MYO3B: variants seen among roughly 807,000 people sequenced by gnomAD.
MYO3B encodes the protein myosin-IIIb.
In MYO3B, 156 loss-of-function variants were observed where a neutral mutation model predicts 174.6. That is an observed-to-expected ratio of 0.89 (90% CI 0.78 to 1.02). The LOEUF (loss-of-function observed/expected upper bound fraction) is 1.02, where lower values mean the gene tolerates loss of function less well. Among genes scored for constraint, MYO3B ranks in the 50% least tolerant of loss-of-function variants. The pLI is 0.00. For missense variants in MYO3B, 1,632 were observed against 1,639.4 expected (o/e 1.00, Z 0.08); for synonymous variants, 563 against 569.1 (o/e 0.99, Z 0.15).
chr2:170,256,512 C>T (rs1391868071), intron 7 of MYO3B, among the ~76,000 whole-genome samples: 7 of 152,136 alleles, frequency 4.6e-5, no homozygotes, highest in South Asian at 2.1e-4. Context: ...AAATTCTAAC[C>T]AAGAATTTCA....
chr2:170,383,645 GGGCAATA>G, intron 11 of MYO3B, 58 bp from the exon 12 acceptor site: 4 of 1,233,696 alleles, frequency 3.2e-6, no homozygotes, highest in Non-Finnish European at 3.6e-6. Flanking sequence ...TTGGTTTCAT[GGGCAATA>G]GGTAGTGGAG....
chr2:170,214,371 T>A lies in MYO3B; in HGVS notation c.322-8T>A, dbSNP rs1447344502. Reference sequence around the variant, plus strand: ...TGCTCTCCCTGTGTCTGGCACCTCTTCTTGCAGCTGTGTAATGGGGGCTCA... The same window carrying A: ...TGCTCTCCCTGTGTCTGGCACCTCTACTTGCAGCTGTGTAATGGGGGCTCA... On this transcript the variant is annotated splice_region_variant and splice_polypyrimidine_tract_variant and intron_variant, in intron 3 of 34. Coordinates refer to ENST00000408978, the MANE Select transcript of MYO3B (RefSeq NM_138995.5). 1 of 1,613,226 alleles carries A rather than the reference T, an allele frequency of 6.2e-7. No homozygotes were observed. The highest frequency in any genetic ancestry group is 8.5e-7 in the Non-Finnish European group (1 of 1,179,258).
chr2:170,636,446 G>C (rs1697490938), intron 32 of MYO3B, among the ~76,000 whole-genome samples: 2 of 150,028 alleles, frequency 1.3e-5, no homozygotes, highest in Admixed American at 1.3e-4. Flanking sequence ...TTTCCTTCCA[G>C]ATGGTGCCTG....
chr2:170,362,341 A>G (rs1422919572), intron 8 of MYO3B, among the ~76,000 whole-genome samples: 1 of 151,948 alleles, frequency 6.6e-6, no homozygotes, highest in Non-Finnish European at 1.5e-5. Flanking sequence ...TTTCCGTCCT[A>G]CCTTCACTTG....
At chr2:170,202,203 CT>C (rs2092669584) in intron 3 of MYO3B, among the ~76,000 whole-genome samples, 1 of 152,206 alleles carries the variant, frequency 6.6e-6, no homozygotes, top group Non-Finnish European at 1.5e-5. Flanking sequence ...CTGTTTCTAG[CT>C]TTTTCAGGGT....
intron 32 of MYO3B, among the ~76,000 whole-genome samples, chr2:170,626,193 C>A (rs1043458861): frequency 6.6e-6 from 1 of 151,088 alleles, no homozygotes; most frequent in African/African-American, 2.5e-5. Context: ...GAGTCTAAGT[C>A]TCTTTGTAGG....
At chr2:170,523,418 C>T (rs1688801765) in intron 30 of MYO3B, among the ~76,000 whole-genome samples, 1 of 127,374 alleles carries the variant, frequency 7.9e-6, no homozygotes, top group South Asian at 2.7e-4. Context: ...TTCTGTGAAT[C>T]AACAAGGGCT....
intron 28 of MYO3B, among the ~76,000 whole-genome samples, chr2:170,507,311 G>A (rs975674761): frequency 1.3e-5 from 2 of 152,134 alleles, no homozygotes; most frequent in Non-Finnish European, 2.9e-5. Flanking sequence ...TTCAGTCCTA[G>A]GCGAGGGGTC....
chr2:170,356,250 C>T (rs970439487), intron 8 of MYO3B, among the ~76,000 whole-genome samples: 4 of 151,854 alleles, frequency 2.6e-5, no homozygotes, highest in East Asian at 1.9e-4. Flanking sequence ...CATGAGCCAC[C>T]GCGCCTGGCC....
chr2:170,235,078 C>T (rs956676830), intron 6 of MYO3B, among the ~76,000 whole-genome samples: 11 of 152,188 alleles, frequency 7.2e-5, no homozygotes, highest in African/African-American at 2.7e-4. Context: ...CTCTATTACT[C>T]TGGTCTTCCT....
chr2:170,285,785 T>C (rs2093551646), intron 7 of MYO3B, among the ~76,000 whole-genome samples: 1 of 149,872 alleles, frequency 6.7e-6, no homozygotes, highest in South Asian at 2.1e-4. Context: ...TCATTATTTA[T>C]GTGAAAGTCA....
intron 32 of MYO3B, among the ~76,000 whole-genome samples, chr2:170,636,021 GT>G (rs1697438491): frequency 6.6e-6 from 1 of 152,054 alleles, no homozygotes; most frequent in African/African-American, 2.4e-5. Context: ...AAAGCTGTCT[GT>G]TTTTTTCTTT....
intron 11 of MYO3B, 133 bp downstream of exon 11, chr2:170,383,322 T>C (rs2094349592): frequency 1.6e-6 from 1 of 637,404 alleles, no homozygotes; most frequent in Non-Finnish European, 2.8e-6. Context: ...CAGATAGTAA[T>C]GTAATACAAA....
At chr2:170,293,876 A>G (rs780896627) in intron 7 of MYO3B, among the ~76,000 whole-genome samples, 9 of 152,072 alleles carry the variant, frequency 5.9e-5, no homozygotes, top group African/African-American at 1.7e-4. Context: ...CCATGTCAAT[A>G]TCCACTTCTT....
intron 1 of MYO3B, among the ~76,000 whole-genome samples, chr2:170,180,460 T>G (rs72882099): frequency 4.6e-5 from 7 of 152,100 alleles, no homozygotes; most frequent in Non-Finnish European, 1.5e-5. Context: ...CCTTTCAGTT[T>G]CTTATTTCTC....
chr2:170,654,696 C>T lies in MYO3B; in HGVS notation c.*1575C>T, dbSNP rs570132470. ...AAAGAGATAGTATGCAAGAAGACAC[C>T]TAAATTTTGAGAGAAATAACCTTGA... is the stretch of plus-strand genomic sequence containing the variant. On this transcript the variant is annotated 3_prime_UTR_variant, in exon 35 of 35. Coordinates refer to ENST00000408978, the MANE Select transcript of MYO3B (RefSeq NM_138995.5). The T allele has an allele frequency of 6.8e-6, 1 of 146,466 alleles. No homozygotes were observed. The highest frequency in any genetic ancestry group is 2.2e-4 in the South Asian group (1 of 4,496). The allele number at this position is 146,466 out of a possible 1,614,324, so 9.1% of individuals were successfully genotyped here.
At chr2:170,385,144 C>T (rs2094364751) in intron 12 of MYO3B, among the ~76,000 whole-genome samples, 1 of 152,160 alleles carries the variant, frequency 6.6e-6, no homozygotes, top group African/African-American at 2.4e-5. Flanking sequence ...GCACACAGAG[C>T]TTCCATGCCT....
At chr2:170,355,214 T>G (rs759140131) in intron 8 of MYO3B, among the ~76,000 whole-genome samples, 1 of 152,144 alleles carries the variant, frequency 6.6e-6, no homozygotes, top group Non-Finnish European at 1.5e-5. Flanking sequence ...AACTGCAAAA[T>G]CCTACCTTGC....
chr2:170,521,956 G>C (rs573063770), intron 30 of MYO3B, among the ~76,000 whole-genome samples: 6 of 152,250 alleles, frequency 3.9e-5, no homozygotes, highest in Non-Finnish European at 8.8e-5. Context: ...TTAGTTCCAT[G>C]GGCCATGCGT....
Sources: allele counts gnomAD v4.1 joint callset (sites outside exome capture counted in the v4.1 genomes callset), GRCh38; gene constraint gnomAD v4.1.1; transcripts MANE v1.5; gene names NCBI Gene and HGNC (gene_info 2026-07-23, HGNC 2026-07-21).